The following MYH14 variants were observed in gnomAD, a reference collection of about 807,000 sequenced individuals.
MYH14 encodes myosin heavy chain 14, also known as myosin-14.
A neutral mutation model predicts 255.5 loss-of-function variants in MYH14; 123 were observed. That is an observed-to-expected ratio of 0.48 (90% CI 0.42 to 0.56). The LOEUF (loss-of-function observed/expected upper bound fraction) is 0.56. Ranked by LOEUF, MYH14 falls within the 20% of genes least tolerant of loss-of-function variation. The pLI is 0.00. For missense variants in MYH14, 2,423 were observed against 2,802.3 expected, an observed-to-expected ratio of 0.86 and a Z score of 3.06; for synonymous variants, 1,095 against 1,161.2, an observed-to-expected ratio of 0.94 and a Z score of 1.16.
chr19:50,248,288 T>C (rs1232446607), intron 12 of MYH14, among the ~76,000 whole-genome samples: 2 of 152,062 alleles, frequency 1.3e-5, no homozygotes, highest in Admixed American at 1.3e-4. Flanking sequence ...TTGTCTTTCA[T>C]AGAAAGATCC....
chr19:50,249,316 C>G, intron 13 of MYH14, 177 bp downstream of exon 13: 2 of 765,220 alleles, frequency 2.6e-6, no homozygotes, highest in Non-Finnish European at 4.1e-6. Context: ...TCCCCTGTCT[C>G]TGGGTCTCTG....
intron 39 of MYH14, among the ~76,000 whole-genome samples, chr19:50,300,309 A>G (rs1208477441): frequency 6.6e-6 from 1 of 152,182 alleles, no homozygotes; most frequent in Non-Finnish European, 1.5e-5. Context: ...AACGGTTCTC[A>G]TCTCCAGCTG....
At chr19:50,238,850 G>A (rs982905365) in intron 10 of MYH14, among the ~76,000 whole-genome samples, 1 of 152,232 alleles carries the variant, frequency 6.6e-6, no homozygotes, top group East Asian at 1.9e-4. Context: ...TTTGGGGTCT[G>A]TTATTCATCC....
chr19:50,210,502 C>G lies in MYH14; in HGVS notation c.137C>G (p.Pro46Arg). 1 of 1,564,722 alleles carries G rather than the reference C, an allele frequency of 6.4e-7. No homozygotes were observed. The highest frequency in any genetic ancestry group is 8.6e-7 in the Non-Finnish European group (1 of 1,156,752). Residue 46 changes from proline (P) to arginine (R), a missense_variant, in exon 2 of 43, where the codon CCG (proline) becomes CGG (arginine). Coordinates refer to ENST00000642316, the MANE Select transcript of MYH14 (RefSeq NM_001145809.2). ...AGGGPGSGTS[P>R]QVEWTARRLV... ...GGCGGGCCTGGCTCGGGCACCTCCC[C>G]GCAGGTGGAGTGGACGGCCCGGCGT...
intron 19 of MYH14, among the ~76,000 whole-genome samples, chr19:50,259,743 TAGCACATGCCTGTAATCCC>T (rs1173286415): frequency 1.3e-5 from 2 of 152,038 alleles, no homozygotes; most frequent in African/African-American, 4.8e-5. Context: ...CCGGGTGTGG[TAGCACATGCCTGTAATCCC>T]AGCTACTCGG....
At position 50,280,473 on chromosome 19, in the gene MYH14, C is replaced by T. The variant is rs371966843; in HGVS notation, c.4290+90C>T. ...CCAGCTCAGGGATGGCCATGCTGCCCACCTTCTCATAGGCCAGACCCATGG... is the reference window on the plus strand; with the variant it reads ...CCAGCTCAGGGATGGCCATGCTGCCTACCTTCTCATAGGCCAGACCCATGG... On this transcript the variant is annotated intron_variant, in intron 32 of 42. Coordinates refer to ENST00000642316, the MANE Select transcript of MYH14 (RefSeq NM_001145809.2). The surrounding 1 kb of genome is among the most constrained non-coding windows in gnomAD (Gnocchi z 4.8). 3.0e-6 allele frequency: 4 copies of T among 1,355,666 alleles called. No individual in the cohort carries two copies. The highest frequency in any genetic ancestry group is 3.0e-5 in the South Asian group (2 of 67,258). 84.0% of individuals were successfully genotyped at this position (1,355,666 alleles called of 1,614,324 possible).
At position 50,280,410 on chromosome 19, in the gene MYH14, G is replaced by A; in HGVS notation, c.4290+27G>A. The A allele has an allele frequency of 6.7e-7, 1 of 1,499,178 alleles. No homozygotes were observed. The allele number at this position is 1,499,178 out of a possible 1,614,324, so 92.9% of individuals were successfully genotyped here. On this transcript the variant is annotated intron_variant, in intron 32 of 42. Coordinates refer to ENST00000642316, the MANE Select transcript of MYH14 (RefSeq NM_001145809.2). This position sits in a 1 kb window ranked among gnomAD's most constrained non-coding sequence, Gnocchi z 4.8. ...TGAGCAGCCCTACGTAAGACCTTCAGGGAGGCACAGCCCCCCTCACTGCTC... is the reference window on the plus strand; with the variant it reads ...TGAGCAGCCCTACGTAAGACCTTCAAGGAGGCACAGCCCCCCTCACTGCTC...
chr19:50,308,982 C>A, intron 41 of MYH14, 23 bp from the exon 42 acceptor site: 1 of 1,591,310 alleles, frequency 6.3e-7, no homozygotes, highest in Non-Finnish European at 8.6e-7. Context: ...GAGATATAAC[C>A]CAGTCCCCCT....
At chr19:50,246,005 T>C (rs1293813943) in intron 11 of MYH14, among the ~76,000 whole-genome samples, 1 of 122,010 alleles carries the variant, frequency 8.2e-6, no homozygotes, top group African/African-American at 3.1e-5. Flanking sequence ...AGAACTGTAC[T>C]GGGATTCCCT....
In MYH14 at chr19:50,281,664, G is replaced by A. The variant is rs553036261; in HGVS notation, c.4361G>A (p.Arg1454Gln). ...GAGGCAGGGGAGGAGGCACGGCGCC[G>A]GGCAGCCCGGGAGGCCGAGGCCCTG... is the stretch of plus-strand genomic sequence containing the variant. ...ALEAGEEARRRAAREAEALTQ... is the reference protein window; with the variant it reads ...ALEAGEEARRQAAREAEALTQ... The change falls in exon 33 of 43, where the codon CGG becomes CAG. Residue 1454 changes from arginine (R) to glutamine (Q), a missense_variant. Coordinates refer to ENST00000642316, the MANE Select transcript of MYH14 (RefSeq NM_001145809.2). 4.4e-6 allele frequency: 7 copies of A among 1,609,132 alleles called. No homozygotes were observed. The highest frequency in any genetic ancestry group is 2.7e-5 in the African/African-American group (2 of 74,952).
chr19:50,258,551 G>A (rs544211212), intron 18 of MYH14: 226 of 151,866 alleles, frequency 1.5e-3, no homozygotes, highest in Non-Finnish European at 2.3e-3. Context: ...GCGAAACGCC[G>A]TCTCTACTCA....
At chr19:50,270,688 TTTA>T (rs2035265197) in intron 24 of MYH14, among the ~76,000 whole-genome samples, 1 of 107,312 alleles carries the variant, frequency 9.3e-6, no homozygotes, top group African/African-American at 3.7e-5. Flanking sequence ...TTTAAAATTA[TTTA>T]TTATTTATTT....
At position 50,308,790 on chromosome 19, in the gene MYH14, C is replaced by T. The variant is rs57422156; in HGVS notation, c.5788-215C>T. 2.7e-3 allele frequency: 1,530 copies of T among 569,404 alleles called. 15 individuals carry two copies. Among genetic ancestry groups the T allele is most frequent in the African/African-American group, 0.025 (1,354 of 53,590 alleles). 35.3% of individuals were successfully genotyped at this position (569,404 alleles called of 1,614,324 possible). A position where few individuals can be genotyped will look rare whatever the true frequency, so the allele number is the denominator to read the frequency against. On this transcript the variant is annotated intron_variant, in intron 41 of 42. Transcript: ENST00000642316. ...TGGGTATAGGAAGACCTTTCTGAGG[C>T]CATGTAGGAGACAACCTGGAGGGGA... is the stretch of plus-strand genomic sequence containing the variant.
At chr19:50,244,546 T>G (rs913032333) in intron 11 of MYH14, among the ~76,000 whole-genome samples, 4 of 147,538 alleles carry the variant, frequency 2.7e-5, no homozygotes, top group Admixed American at 6.9e-5. Flanking sequence ...TGCAGTGGCG[T>G]GATCTCAGCT....
At position 50,232,036 on chromosome 19, in the gene MYH14, G is replaced by A. The variant is rs1452983226; in HGVS notation, c.1080G>A (p.Leu360=). Residue 360 remains leucine (L), a synonymous_variant, in exon 10 of 43, where the codon CTG becomes CTA. Coordinates refer to ENST00000642316, the MANE Select transcript of MYH14 (RefSeq NM_001145809.2). The part of the protein sequence containing the change: ...RELFQETLES[L]RVLGFSHEEI... ...TCTTCCAGGAGACGCTGGAGTCGCT[G>A]CGGGTCCTGGGATTCAGCCACGAGG... The A allele has an allele frequency of 3.1e-6, 5 of 1,613,084 alleles. No homozygotes were observed. The highest frequency in any genetic ancestry group is 4.5e-5 in the East Asian group (2 of 44,898).
At chr19:50,281,408 C>T (rs2035712647) in intron 32 of MYH14, among the ~76,000 whole-genome samples, 186 bp from the exon 33 acceptor site, 1 of 152,216 alleles carries the variant, frequency 6.6e-6, no homozygotes, top group Non-Finnish European at 1.5e-5. Flanking sequence ...AATTTTAATT[C>T]CCTGGAAGAA....
intron 33 of MYH14, 48 bp from the exon 34 acceptor site, chr19:50,286,434 C>T: frequency 6.4e-7 from 1 of 1,552,664 alleles, no homozygotes; most frequent in Non-Finnish European, 8.8e-7. Flanking sequence ...TTGTACACTC[C>T]TTTCAGCTAA....
chr19:50,286,391 C>A, intron 33 of MYH14, 91 bp from the exon 34 acceptor site: 2 of 1,237,002 alleles, frequency 1.6e-6, no homozygotes, highest in Non-Finnish European at 2.2e-6. Context: ...CTCTCTCTTT[C>A]TCTGTTCCTG....
chr19:50,249,969 G>A lies in MYH14; in HGVS notation c.1656+146G>A, dbSNP rs921772015. 2.2e-5 allele frequency: 22 copies of A among 998,318 alleles called. No homozygotes were observed. In the African/African-American group the frequency reaches 2.4e-4, roughly 11 times the overall value. The allele number at this position is 998,318 out of a possible 1,614,324, so 61.8% of individuals were successfully genotyped here. A position where few individuals can be genotyped will look rare whatever the true frequency, so the allele number is the denominator to read the frequency against. The stretch of plus-strand genomic sequence containing the variant: ...GGAAGGTGACAGCACCTGCTTCCTC[G>A]ATCTTTTGTGACCATAGGTGATTAG... On this transcript the variant is annotated intron_variant, in intron 14 of 42. Transcript: ENST00000642316.
Sources: gnomAD v4.1 joint callset for allele counts (sites outside exome capture counted in the v4.1 genomes callset) on GRCh38, gnomAD v4.1.1 for gene constraint, Gnocchi (gnomAD v3.1) non-coding constraint, MANE v1.5 for transcripts, NCBI Gene and HGNC (gene_info 2026-07-23, HGNC 2026-07-21) for gene names.